NDRG2: variants seen among roughly 807,000 people sequenced by gnomAD.
NDRG2 encodes the protein protein NDRG2.
Under a neutral mutation model 58.2 loss-of-function variants are expected in NDRG2, and 34 were observed. The ratio of observed to expected loss-of-function variants is 0.58; its 90% confidence interval spans 0.44 to 0.78. The LOEUF is 0.78. NDRG2 is among the 30% of genes least tolerant of loss of function. The pLI, the probability that NDRG2 is intolerant of heterozygous loss-of-function variation, is 0.00. For missense variants in NDRG2, 434 were observed against 471.2 expected (o/e 0.92, Z 0.73); for synonymous variants, 187 against 175.9 (o/e 1.06, Z -0.50).
chr14:21,036,812 C>T (rs868661991), intron 1 of NDRG2, among the ~76,000 whole-genome samples: 1 of 152,216 alleles, frequency 6.6e-6, no homozygotes, highest in Non-Finnish European at 1.5e-5. Flanking sequence ...GGGAAGACCT[C>T]GCCAAGGAAG....
Position 21,024,324 on chromosome 14 carries a change from G to A in NDRG2, c.-301C>T. 2 of 984,846 alleles carry A rather than the reference G, an allele frequency of 2.0e-6. No homozygotes were observed. The highest frequency in any genetic ancestry group is 4.7e-5 in the South Asian group (1 of 21,266). The allele number at this position is 984,846 out of a possible 1,614,324, so 61.0% of individuals were successfully genotyped here. On this transcript the variant is annotated 5_prime_UTR_variant, in exon 1 of 16. Coordinates refer to ENST00000556147, the MANE Select transcript of NDRG2 (RefSeq NM_001320329.2). ...ATCAGTTCAGGCTGCGCGGAGGAGA[G>A]AAGGAAGTGCTGATGTGGAGGTAAG...
chr14:21,044,695 C>G (rs936479308), intron 1 of NDRG2, among the ~76,000 whole-genome samples: 3 of 152,204 alleles, frequency 2.0e-5, no homozygotes, highest in Non-Finnish European at 4.4e-5. Context: ...GATGGTCTCT[C>G]CAACATTGCT....
At chr14:21,034,110 C>T in intron 1 of NDRG2, 2 of 1,614,130 alleles carry the variant, frequency 1.2e-6, no homozygotes, top group South Asian at 1.1e-5. Flanking sequence ...CATCTTGCCT[C>T]GCATATAGGA....
intron 1 of NDRG2, chr14:21,042,266 AT>A (rs1205638383): frequency 6.6e-6 from 1 of 152,456 alleles, no homozygotes; most frequent in East Asian, 1.9e-4. Flanking sequence ...AACCTGATTC[AT>A]TTCCTGATCC....
At chr14:21,043,533 A>C (rs1594498074) in intron 1 of NDRG2, 7 of 1,023,236 alleles carry the variant, frequency 6.8e-6, no homozygotes, top group Non-Finnish European at 1.0e-5. Context: ...ACTCCCCTAC[A>C]CCCAGAGCAT....
rs547489429 is a variant in NDRG2, at chr14:21,046,826, G to A, written c.25-23505C>T. ...ATAAAGTAAGCTAGAGAAAAAAAAG[G>A]TGTCATTAAGAAAATCATAAGGAAG... On this transcript the variant is annotated intron_variant, in intron 1 of 14. Coordinates refer to the NDRG2 transcript ENST00000403829. 2.6e-5 allele frequency: 4 copies of A among 152,218 alleles called. No individual in the cohort carries two copies. The East Asian group carries it at 5.8e-4, about 22-fold the overall frequency. The allele number at this position is 152,218 out of a possible 1,614,324, so 9.4% of individuals were successfully genotyped here.
intron 1 of NDRG2, chr14:21,057,958 G>C: frequency 6.2e-7 from 1 of 1,614,106 alleles, no homozygotes; most frequent in Non-Finnish European, 8.5e-7. Context: ...GGGTGGCAGA[G>C]GTCCTAGTCA....
intron 1 of NDRG2, among the ~76,000 whole-genome samples, chr14:21,039,917 T>C (rs1884813213): frequency 6.6e-6 from 1 of 152,132 alleles, no homozygotes. Context: ...ATTTAAATCA[T>C]GGCTTGAAAA....
intron 1 of NDRG2, among the ~76,000 whole-genome samples, chr14:21,055,992 T>C (rs1337917687): frequency 6.6e-6 from 1 of 152,104 alleles, no homozygotes; most frequent in African/African-American, 2.4e-5. Context: ...CACGAAGGGA[T>C]CCCTGCTGTG....
At chr14:21,052,931 G>T (rs890684810) in intron 1 of NDRG2, among the ~76,000 whole-genome samples, 8 of 152,144 alleles carry the variant, frequency 5.3e-5, no homozygotes, top group Non-Finnish European at 8.8e-5. Flanking sequence ...TGACTCAAGT[G>T]CCCCTCCATA....
intron 1 of NDRG2, among the ~76,000 whole-genome samples, chr14:21,047,735 G>A (rs772652375): frequency 1.3e-5 from 2 of 152,142 alleles, no homozygotes; most frequent in Admixed American, 6.5e-5. Context: ...GTAAAGGAGC[G>A]GAAATGGAGT....
At chr14:21,030,751 T>C, upstream of NDRG2, 5 of 1,613,496 alleles carry the variant, frequency 3.1e-6, no homozygotes, top group Non-Finnish European at 4.2e-6. Flanking sequence ...TTCAGCAAAG[T>C]CAAGTGAGGA....
upstream of NDRG2, among the ~76,000 whole-genome samples, chr14:21,028,184 C>T (rs1883823160): frequency 6.6e-6 from 1 of 152,096 alleles, no homozygotes; most frequent in Admixed American, 6.6e-5. Flanking sequence ...GCAATTAGGC[C>T]ATATGACCCC....
At chr14:21,048,687 C>T (rs1885321504) in intron 1 of NDRG2, among the ~76,000 whole-genome samples, 1 of 152,162 alleles carries the variant, frequency 6.6e-6, no homozygotes, top group African/African-American at 2.4e-5. Context: ...CAGTGACTAG[C>T]ATGTAGGGAA....
intron 1 of NDRG2, among the ~76,000 whole-genome samples, chr14:21,049,405 A>G (rs1405671420): frequency 1.3e-5 from 2 of 152,170 alleles, no homozygotes; most frequent in African/African-American, 4.8e-5. Context: ...TGGTTTTTTC[A>G]TAGAAACTTA....
chr14:21,070,454 CG>C lies in NDRG2; in HGVS notation c.24+373del. 7.4e-7 allele frequency: 1 copy of C among 1,357,852 alleles called. No individual in the cohort carries two copies. The highest frequency in any genetic ancestry group is 3.8e-5 in the Admixed American group (1 of 26,608). The allele number at this position is 1,357,852 out of a possible 1,614,324, so 84.1% of individuals were successfully genotyped here. ...CCCTCGGCCTTCGCGCAGCCCGCTCCGGGCCCCCAAGTCCTCAGCCTGGTGC... is the reference window on the plus strand; with the variant it reads ...CCCTCGGCCTTCGCGCAGCCCGCTCCGGCCCCCAAGTCCTCAGCCTGGTGC... On this transcript the variant is annotated intron_variant, in intron 1 of 14. Transcript: ENST00000403829. This position sits in a 1 kb window ranked among gnomAD's most constrained non-coding sequence, Gnocchi z 4.7.
intron 6 of NDRG2, chr14:21,021,610 C>T: frequency 1.7e-6 from 1 of 597,358 alleles, no homozygotes; most frequent in Non-Finnish European, 3.0e-6. Flanking sequence ...TCCTTCCCTC[C>T]ACCCATTAGG....
At chr14:21,031,394 T>A in intron 1 of NDRG2, 1 of 536,550 alleles carries the variant, frequency 1.9e-6, no homozygotes, top group Non-Finnish European at 3.1e-6. Context: ...TCCAAGTGTC[T>A]AGTATCTGAG....
chr14:21,047,734 C>A (rs76750965), intron 1 of NDRG2, among the ~76,000 whole-genome samples: 1 of 152,096 alleles, frequency 6.6e-6, no homozygotes, highest in African/African-American at 2.4e-5. Context: ...AGTAAAGGAG[C>A]GGAAATGGAG....
Sources: gnomAD v4.1 joint callset for allele counts (sites outside exome capture counted in the v4.1 genomes callset) on GRCh38, gnomAD v4.1.1 for gene constraint, Gnocchi (gnomAD v3.1) non-coding constraint, MANE v1.5 for transcripts, NCBI Gene and HGNC (gene_info 2026-07-23, HGNC 2026-07-21) for gene names.